Variants in AADAC observed in about 807,000 individuals in gnomAD.
AADAC encodes arylacetamide deacetylase (esterase).
Under a neutral mutation model 22.7 loss-of-function variants are expected in AADAC, and 17 were observed. The ratio of observed to expected loss-of-function variants is 0.75; its 90% confidence interval spans 0.51 to 1.12. The LOEUF (loss-of-function observed/expected upper bound fraction) is 1.12. Among genes scored for constraint, AADAC ranks in the 50% most tolerant of loss-of-function variants. The pLI is 0.00. For synonymous variants in AADAC, 167 were observed against 176.3 expected (o/e 0.95, Z 0.42); for missense variants, 465 against 473.9 (o/e 0.98, Z 0.17).
chr3:151,824,834 G>T lies in AADAC; in HGVS notation c.603G>T (p.Gln201His). The T allele has an allele frequency of 1.3e-6, 2 of 1,555,424 alleles. 1 individual carries two copies. The highest frequency in any genetic ancestry group is 1.7e-6 in the Non-Finnish European group (2 of 1,153,728). Residue 201 changes from glutamine to histidine, a missense_variant and splice_region_variant, in exon 4 of 5, where the codon CAG becomes CAT. Transcript: ENST00000232892. ...ATTTAGCTGCAGCAGTGACTCAACA[G>T]GTATGTTCATAATTTCTATGCTTTT... ...GGNLAAAVTQ[Q>H]LLDDPDVKIK...
intron 1 of AADAC, among the ~76,000 whole-genome samples, chr3:151,814,747 T>C (rs796087439): frequency 3.6e-4 from 55 of 152,070 alleles, no homozygotes; most frequent in African/African-American, 1.2e-3. Flanking sequence ...CAAGAAAAGA[T>C]TCAATGGGCA....
At chr3:151,824,559 GTGCAAAAGTTAT>G in intron 3 of AADAC, 92 bp from the exon 4 acceptor site, 1 of 907,296 alleles carries the variant, frequency 1.1e-6, no homozygotes, top group Non-Finnish European at 1.5e-6. Context: ...TATTAGGTTG[GTGCAAAAGTTAT>G]TGCGGTTTTG....
At chr3:151,824,573 G>A (rs1716392059) in intron 3 of AADAC, 90 bp from the exon 4 acceptor site, 1 of 1,058,764 alleles carries the variant, frequency 9.4e-7, no homozygotes. Context: ...AAAAGTTATT[G>A]CGGTTTTGTC....
At position 151,824,712 on chromosome 3, in the gene AADAC, T is replaced by C; in HGVS notation, c.481T>C (p.Tyr161His). The C allele has an allele frequency of 5.0e-6, 8 of 1,602,662 alleles. No individual in the cohort carries two copies. The highest frequency in any genetic ancestry group is 2.3e-5 in the South Asian group (2 of 88,582). Residue 161 changes from tyrosine (Y) to histidine (H), a missense_variant, in exon 4 of 5, where the codon TAT (tyrosine) becomes CAT (histidine). Physicochemically the swap from Tyr to His is moderately conservative, Grantham distance 83. Transcript: ENST00000232892. Reference sequence around the variant, plus strand: ...TTTCCCAATTCAATTTGAAGATGTATATAATGCCTTAAGGTGGTTCTTACG... The same window carrying C: ...TTTCCCAATTCAATTTGAAGATGTACATAATGCCTTAAGGTGGTTCTTACG... ...YHFPIQFEDV[Y>H]NALRWFLRKK...
chr3:151,817,155 C>T (rs565813283), intron 1 of AADAC, among the ~76,000 whole-genome samples: 1 of 152,124 alleles, frequency 6.6e-6, no homozygotes, highest in African/African-American at 2.4e-5. Flanking sequence ...ATTTTTATTT[C>T]CTTCACAGTG....
rs773143489 is a variant in AADAC, at chr3:151,827,826, C to A, written c.854C>A (p.Ser285Tyr). ...CTCTTCAAATTTGTTAATTGGAGTT[C>A]CCTGCTCCCTGAGAGGTTTATAAAA... ...SHLFKFVNWS[S>Y]LLPERFIKGH... is the part of the protein sequence containing the mutation. Residue 285 changes from serine to tyrosine, a missense_variant, in exon 5 of 5, where the codon TCC (serine) becomes TAC (tyrosine). By Grantham distance (144) the Ser-to-Tyr change is moderately radical. Transcript: ENST00000232892. 1 of 1,613,200 alleles carries A rather than the reference C, an allele frequency of 6.2e-7. No homozygotes were observed. The highest frequency in any genetic ancestry group is 8.5e-7 in the Non-Finnish European group (1 of 1,179,574).
intron 4 of AADAC, 123 bp from the exon 5 acceptor site, chr3:151,827,453 C>T: frequency 1.6e-6 from 1 of 614,302 alleles, no homozygotes; most frequent in South Asian, 2.7e-5. Context: ...TTACTTAAGT[C>T]TTTTTGAGAT....
chr3:151,824,898 A>G (rs1716413017), intron 4 of AADAC, 64 bp downstream of exon 4: 1 of 1,300,922 alleles, frequency 7.7e-7, no homozygotes, highest in East Asian at 2.8e-5. Flanking sequence ...AAACATATTT[A>G]TAAACATATT....
At chr3:151,826,622 T>A (rs1185648727) in intron 4 of AADAC, among the ~76,000 whole-genome samples, 1 of 152,016 alleles carries the variant, frequency 6.6e-6, no homozygotes, top group African/African-American at 2.4e-5. Context: ...ACAAAATTAT[T>A]TTTTAACCTA....
At chr3:151,822,685 A>G (rs895080441) in intron 3 of AADAC, among the ~76,000 whole-genome samples, 4 of 152,018 alleles carry the variant, frequency 2.6e-5, no homozygotes, top group Admixed American at 1.3e-4. Flanking sequence ...AATAGGGCAA[A>G]TGCATAGAGA....
chr3:151,816,671 G>A (rs534670378), intron 1 of AADAC, among the ~76,000 whole-genome samples: 1 of 152,010 alleles, frequency 6.6e-6, no homozygotes, highest in East Asian at 1.9e-4. Flanking sequence ...GACAGGTCTG[G>A]TTAATAGAAG....
At chr3:151,825,513 A>G (rs1546686) in intron 4 of AADAC, among the ~76,000 whole-genome samples, 90,103 of 151,678 alleles carry the variant, frequency 0.59, 27,286 homozygotes, top group Non-Finnish European at 0.64. Flanking sequence ...AGACGAATTC[A>G]TATAATCTTC....
intron 3 of AADAC, among the ~76,000 whole-genome samples, chr3:151,821,687 G>C (rs924895981): frequency 6.6e-6 from 1 of 151,860 alleles, no homozygotes; most frequent in African/African-American, 2.4e-5. Context: ...CTTAAACATG[G>C]CAAGTCAAAT....
rs1372350795 is a variant in AADAC, at chr3:151,817,414, A to C, written c.187A>C (p.Lys63Gln). 1 of 1,613,762 alleles carries C rather than the reference A, an allele frequency of 6.2e-7. No individual in the cohort carries two copies. The highest frequency in any genetic ancestry group is 8.5e-7 in the Non-Finnish European group (1 of 1,179,750). Residue 63 changes from lysine to glutamine, a missense_variant, in exon 2 of 5, where the codon AAG (lysine) becomes CAG (glutamine). Lys to Gln is a moderately conservative substitution (Grantham distance 53, BLOSUM62 1). Coordinates refer to ENST00000232892, the MANE Select transcript of AADAC (RefSeq NM_001086.3). ...LGLHHFMDSF[K>Q]VVGSFDEVPP... ...ACTTCACCATTTTATGGATTCCTTTAAGGTTGTCGGGAGCTTTGATGAAGT... is the reference window on the plus strand; with the variant it reads ...ACTTCACCATTTTATGGATTCCTTTCAGGTTGTCGGGAGCTTTGATGAAGT...
chr3:151,819,735 T>C (rs1224703947), intron 2 of AADAC, among the ~76,000 whole-genome samples: 1 of 151,722 alleles, frequency 6.6e-6, no homozygotes, highest in Non-Finnish European at 1.5e-5. Context: ...AATAATTGGA[T>C]ATAGATAGGA....
intron 1 of AADAC, 39 bp from the exon 2 acceptor site, chr3:151,817,327 A>C: frequency 6.4e-7 from 1 of 1,562,128 alleles, no homozygotes; most frequent in East Asian, 2.2e-5. Flanking sequence ...TTGCCATTTG[A>C]TACTTGAATT....
intron 2 of AADAC, 80 bp downstream of exon 2, chr3:151,817,668 C>A: frequency 1.6e-6 from 2 of 1,263,622 alleles, no homozygotes; most frequent in Non-Finnish European, 2.3e-6. Flanking sequence ...GTACACATGC[C>A]CTTCGGCATG....
intron 2 of AADAC, among the ~76,000 whole-genome samples, chr3:151,817,997 G>C (rs2108027215): frequency 6.6e-6 from 1 of 152,008 alleles, no homozygotes; most frequent in East Asian, 1.9e-4. Context: ...CCAGCACTTT[G>C]GGAGGCCAAG....
At chr3:151,814,331 G>A in intron 1 of AADAC, 31 bp downstream of exon 1, 1 of 1,583,648 alleles carries the variant, frequency 6.3e-7, no homozygotes, top group Non-Finnish European at 8.6e-7. Flanking sequence ...ATTCAGATGT[G>A]CATACACCAC....
Sources: allele counts gnomAD v4.1 joint callset (sites outside exome capture counted in the v4.1 genomes callset), GRCh38; gene constraint gnomAD v4.1.1; transcripts MANE v1.5; gene names NCBI Gene and HGNC (gene_info 2026-07-23, HGNC 2026-07-21).